The following PALB2 variants were observed in gnomAD, a reference collection of about 807,000 sequenced individuals.
The protein encoded by PALB2 is mutant partner and localizer of BRCA2.
PALB2 carries 82 observed loss-of-function variants against 107.4 expected under a neutral mutation model. That is an observed-to-expected ratio of 0.76 (90% CI 0.64 to 0.92). PALB2 has a LOEUF of 0.92. PALB2 is among the 40% of genes least tolerant of loss of function. The pLI is 0.00. For missense variants in PALB2, 1,374 were observed against 1,379.9 expected, an observed-to-expected ratio of 1.00 and a Z score of 0.07; for synonymous variants, 489 against 496.8, an observed-to-expected ratio of 0.98 and a Z score of 0.21.
intron 11 of PALB2, among the ~76,000 whole-genome samples, chr16:23,610,754 TA>T (rs1188813224): frequency 6.6e-6 from 1 of 152,074 alleles, no homozygotes; most frequent in East Asian, 1.9e-4. Context: ...AAGTAAATTC[TA>T]GGCCAGGCAT....
intron 1 of PALB2, chr16:23,640,426 C>T (rs377136101): frequency 5.0e-6 from 1 of 198,114 alleles, no homozygotes; most frequent in Non-Finnish European, 1.0e-5. Flanking sequence ...GTCGCTTGAT[C>T]CCAGGAAGCG....
At chr16:23,622,407 GTGTT>G (rs1446140195) in intron 9 of PALB2, among the ~76,000 whole-genome samples, 3 of 152,064 alleles carry the variant, frequency 2.0e-5, no homozygotes, top group East Asian at 1.9e-4. Context: ...GTGTGTGTGT[GTGTT>G]TAAGATTAGG....
Position 23,630,686 on chromosome 16 carries a change from C to T in PALB2, c.1685-217G>A, listed in dbSNP as rs191109058. 5.8e-4 allele frequency among the ~76,000 whole-genome samples: 88 copies of T among 152,310 alleles called. 1 individual carries two copies. The highest frequency in any genetic ancestry group is 2.1e-3 in the African/African-American group (87 of 41,570). ...GTAATACCCAACAAAGAGTGAGCTT[C>T]TAAACTCAAATATACTAAAAAATGT... On this transcript the variant is annotated intron_variant, in intron 4 of 12. Transcript: ENST00000261584.
rs765643734 is a variant in PALB2, at chr16:23,623,010, A to C, written c.2955T>G (p.Ser985=). The change falls in exon 9 of 13, where the codon TCT becomes TCG. Residue 985 remains serine (S), a synonymous_variant. Coordinates refer to ENST00000261584, the MANE Select transcript of PALB2 (RefSeq NM_024675.4). The part of the protein sequence containing the change: ...RRLVSSSGTL[S]DQQVEVMTFA... ...ACGTCATGACTTCTACTTGTTGATC[A>C]GAAAGGGTCCCACTGCTACTAACTA... is the stretch of plus-strand genomic sequence containing the variant. The C allele has an allele frequency of 6.2e-6, 10 of 1,614,050 alleles. No homozygotes were observed. In the East Asian group the frequency reaches 2.2e-4, roughly 36 times the overall value.
chr16:23,624,562 T>C (rs951578635), intron 7 of PALB2, among the ~76,000 whole-genome samples: 1 of 152,200 alleles, frequency 6.6e-6, no homozygotes, highest in African/African-American at 2.4e-5. Flanking sequence ...TGCCCAGCCT[T>C]GAGTGCAATG....
chr16:23,626,069 T>C (rs1408111664), intron 7 of PALB2, among the ~76,000 whole-genome samples, 167 bp downstream of exon 7: 2 of 152,212 alleles, frequency 1.3e-5, no homozygotes, highest in Non-Finnish European at 2.9e-5. Flanking sequence ...GTGCTCACTA[T>C]ACAACTTTTC....
At chr16:23,611,736 G>C (rs572205863) in intron 11 of PALB2, among the ~76,000 whole-genome samples, 1 of 152,294 alleles carries the variant, frequency 6.6e-6, no homozygotes, top group Non-Finnish European at 1.5e-5. Context: ...GAGATTACAG[G>C]CGTGAGCCAC....
chr16:23,621,261 A>T, intron 10 of PALB2, 101 bp downstream of exon 10: 1 of 834,498 alleles, frequency 1.2e-6, no homozygotes, highest in Non-Finnish European at 2.0e-6. Context: ...AATCATGTTT[A>T]CACATACTCT....
intron 8 of PALB2, 103 bp from the exon 9 acceptor site, chr16:23,623,233 T>G: frequency 9.2e-7 from 1 of 1,084,920 alleles, no homozygotes; most frequent in Non-Finnish European, 1.3e-6. Flanking sequence ...AGACAGAGTC[T>G]TGCTCTGTCG....
chr16:23,615,799 G>C (rs968435826), intron 10 of PALB2, among the ~76,000 whole-genome samples: 1 of 151,866 alleles, frequency 6.6e-6, no homozygotes, highest in African/African-American at 2.4e-5. Flanking sequence ...TGAGTAGCAG[G>C]GATTACAGGC....
chr16:23,606,651 G>T (rs1966480702), intron 12 of PALB2, among the ~76,000 whole-genome samples: 1 of 151,662 alleles, frequency 6.6e-6, no homozygotes, highest in Admixed American at 6.6e-5. Flanking sequence ...TCAGCCTCCT[G>T]AGTAGCTGGG....
chr16:23,633,445 G>A (rs1966908949), intron 4 of PALB2, among the ~76,000 whole-genome samples: 1 of 152,172 alleles, frequency 6.6e-6, no homozygotes, highest in Admixed American at 6.5e-5. Flanking sequence ...GTGCTATCTG[G>A]CCCATTCTAG....
At chr16:23,613,249 AG>A (rs1428527350) in intron 11 of PALB2, among the ~76,000 whole-genome samples, 1 of 152,090 alleles carries the variant, frequency 6.6e-6, no homozygotes, top group East Asian at 1.9e-4. Context: ...TGAATATTGG[AG>A]CTTATTTCTA....
Position 23,634,917 on chromosome 16 carries a change from C to G in PALB2, c.1629G>C (p.Lys543Asn), listed in dbSNP as rs1274647317. The G allele has an allele frequency of 6.2e-7, 1 of 1,614,084 alleles. No individual in the cohort carries two copies. Among genetic ancestry groups the G allele is most frequent in the Admixed American group, 1.7e-5 (1 of 59,996 alleles). The change falls in exon 4 of 13, where the codon AAG becomes AAC. Residue 543 changes from lysine (K) to asparagine (N), a missense_variant. Coordinates refer to ENST00000261584, the MANE Select transcript of PALB2 (RefSeq NM_024675.4). The part of the protein sequence containing the change: ...TSSLSIVNRS[K>N]EEVTSHKYQH... ...GATATTTGTGTGAGGTGACTTCTTC[C>G]TTGGACCTGTTAACAATCGACAGGC...
chr16:23,608,283 G>A (rs1237516271), intron 11 of PALB2, among the ~76,000 whole-genome samples: 3 of 151,544 alleles, frequency 2.0e-5, no homozygotes, highest in South Asian at 4.2e-4. Context: ...TTGAACACCT[G>A]GCCTCAAGGG....
intron 11 of PALB2, among the ~76,000 whole-genome samples, chr16:23,612,045 C>G (rs950109056): frequency 1.3e-5 from 2 of 152,168 alleles, no homozygotes; most frequent in Admixed American, 1.3e-4. Context: ...GTGTTCAGAG[C>G]CTCTGGATGC....
chr16:23,614,645 CTT>C (rs1050495053), intron 10 of PALB2, among the ~76,000 whole-genome samples: 4 of 107,156 alleles, frequency 3.7e-5, no homozygotes, highest in Non-Finnish European at 5.4e-5. Context: ...CACTTCCCAG[CTT>C]TTTTTTTTTT....
intron 10 of PALB2, among the ~76,000 whole-genome samples, chr16:23,617,447 C>T (rs1276129442): frequency 2.6e-5 from 4 of 151,602 alleles, no homozygotes; most frequent in Admixed American, 6.6e-5. Flanking sequence ...AGGCCAGGTG[C>T]GGCAGCTTAT....
intron 11 of PALB2, among the ~76,000 whole-genome samples, chr16:23,610,122 G>C (rs1241342743): frequency 1.3e-5 from 2 of 152,140 alleles, no homozygotes; most frequent in African/African-American, 4.8e-5. Context: ...AGTTTTATTA[G>C]AACACAGCTA....
Sources: allele counts gnomAD v4.1 joint callset (sites outside exome capture counted in the v4.1 genomes callset), GRCh38; gene constraint gnomAD v4.1.1; transcripts MANE v1.5; gene names NCBI Gene and HGNC (gene_info 2026-07-23, HGNC 2026-07-21).